PPFIA2: variants seen among roughly 807,000 people sequenced by gnomAD.
PPFIA2 encodes PPFI scaffold protein A2.
A neutral mutation model predicts 175.5 loss-of-function variants in PPFIA2; 46 were observed. That is an observed-to-expected ratio of 0.26 (90% confidence interval 0.21 to 0.34). The LOEUF (loss-of-function observed/expected upper bound fraction) is 0.34, where lower values mean the gene tolerates loss of function less well. PPFIA2 is among the 10% of genes least tolerant of loss of function. The pLI is 1.00. For missense variants in PPFIA2, 1,179 were observed against 1,506.1 expected, an observed-to-expected ratio of 0.78 and a Z score of 3.60; for synonymous variants, 568 against 511.4, an observed-to-expected ratio of 1.11 and a Z score of -1.49.
At chr12:81,756,797 AAC>A (rs1217935160) in intron 2 of PPFIA2, among the ~76,000 whole-genome samples, 1 of 152,198 alleles carries the variant, frequency 6.6e-6, no homozygotes, top group Non-Finnish European at 1.5e-5. Flanking sequence ...TCTTTGTAGA[AAC>A]AATATTTTAC....
intron 3 of PPFIA2, among the ~76,000 whole-genome samples, chr12:81,747,673 A>G (rs1183702474): frequency 1.4e-5 from 2 of 144,362 alleles, no homozygotes; most frequent in South Asian, 2.3e-4. Flanking sequence ...GGCAGTTTCT[A>G]TTATTATTTG....
intron 23 of PPFIA2, among the ~76,000 whole-genome samples, chr12:81,297,400 T>G (rs1379733876): frequency 6.6e-6 from 1 of 152,024 alleles, no homozygotes; most frequent in Non-Finnish European, 1.5e-5. Context: ...TATTTGTCTC[T>G]TTTGAAAAAA....
intron 31 of PPFIA2, among the ~76,000 whole-genome samples, chr12:81,262,294 C>T (rs1336219907): frequency 6.6e-6 from 1 of 152,032 alleles, no homozygotes; most frequent in Non-Finnish European, 1.5e-5. Context: ...GAGCAGCTCC[C>T]GAGGGTGCTT....
chr12:81,261,957 A>G lies in PPFIA2; in HGVS notation c.*25T>C. On this transcript the variant is annotated 3_prime_UTR_variant, in exon 32 of 33. Coordinates refer to ENST00000549396, the MANE Select transcript of PPFIA2 (RefSeq NM_003625.5). ...AAAGGGAAACTACTCACAGCAGGTC[A>G]GTGCTGCCTCCTTTGAGTGGCTGGT... The G allele has an allele frequency of 6.3e-7, 1 of 1,589,130 alleles. No homozygotes were observed. Among genetic ancestry groups the G allele is most frequent in the Non-Finnish European group, 8.6e-7 (1 of 1,165,208 alleles).
At position 81,432,585 on chromosome 12, in the gene PPFIA2, C is replaced by T. The variant is rs569746814; in HGVS notation, c.645+7387G>A. Among the ~76,000 whole-genome samples the T allele has an allele frequency of 1.1e-4, 17 of 151,788 alleles. No individual in the cohort carries two copies. In the East Asian group the frequency reaches 3.3e-3, roughly 29 times the overall value. Reference sequence around the variant, plus strand: ...GGTTCAAGCGATTCTCCTGCCTCAGCCTCCTGAGTAGCTGGGATTACAGGC... The same window carrying T: ...GGTTCAAGCGATTCTCCTGCCTCAGTCTCCTGAGTAGCTGGGATTACAGGC... On this transcript the variant is annotated intron_variant, in intron 7 of 32. Transcript: ENST00000549396.
chr12:81,713,677 G>T, intron 3 of PPFIA2, among the ~76,000 whole-genome samples: 1 of 150,984 alleles, frequency 6.6e-6, no homozygotes, highest in East Asian at 2.0e-4. Flanking sequence ...TGTCTCATAG[G>T]CTTGCTAATG....
intron 9 of PPFIA2, among the ~76,000 whole-genome samples, chr12:81,380,839 TC>T (rs1298822070): frequency 6.6e-6 from 1 of 152,116 alleles, no homozygotes; most frequent in Non-Finnish European, 1.5e-5. Context: ...TTTGAGACTT[TC>T]CATGTAATAC....
At chr12:81,481,436 C>A (rs560318209) in intron 4 of PPFIA2, among the ~76,000 whole-genome samples, 7 of 152,198 alleles carry the variant, frequency 4.6e-5, no homozygotes, top group African/African-American at 1.7e-4. Flanking sequence ...ATAGCCAAGA[C>A]AATACTAAAC....
At chr12:81,619,417 T>C (rs1180448345) in intron 4 of PPFIA2, among the ~76,000 whole-genome samples, 1 of 152,178 alleles carries the variant, frequency 6.6e-6, no homozygotes, top group Non-Finnish European at 1.5e-5. Context: ...AATTTCTACC[T>C]GGACATGACC....
chr12:81,448,956 A>G (rs968893248), intron 5 of PPFIA2, among the ~76,000 whole-genome samples: 4 of 152,182 alleles, frequency 2.6e-5, no homozygotes, highest in African/African-American at 7.2e-5. Flanking sequence ...AGGATCTGTA[A>G]CTATTTATTA....
chr12:81,401,990 G>A (rs1407205300), intron 8 of PPFIA2, among the ~76,000 whole-genome samples: 1 of 151,946 alleles, frequency 6.6e-6, no homozygotes, highest in African/African-American at 2.4e-5. Flanking sequence ...AATTACCAGA[G>A]TTTTCCATGA....
intron 4 of PPFIA2, among the ~76,000 whole-genome samples, chr12:81,596,025 A>C (rs1283661156): frequency 2.0e-5 from 3 of 152,162 alleles, no homozygotes. Context: ...TCATTTTCTC[A>C]AGATACAGTT....
chr12:81,662,956 T>C (rs1345723942), intron 4 of PPFIA2, among the ~76,000 whole-genome samples: 1 of 152,144 alleles, frequency 6.6e-6, no homozygotes, highest in Non-Finnish European at 1.5e-5. Flanking sequence ...AAAAACCACA[T>C]GATTATCTCA....
At chr12:81,508,429 GA>G in intron 4 of PPFIA2, among the ~76,000 whole-genome samples, 1 of 146,620 alleles carries the variant, frequency 6.8e-6, no homozygotes, top group Non-Finnish European at 1.5e-5. Context: ...GCTGAGGCAG[GA>G]GAATCACTTG....
intron 4 of PPFIA2, among the ~76,000 whole-genome samples, chr12:81,647,050 A>G (rs998909732): frequency 6.9e-5 from 5 of 72,028 alleles, no homozygotes; most frequent in Non-Finnish European, 7.9e-5. Flanking sequence ...ATTTGAAGGA[A>G]CTGGTTAAAA....
chr12:81,314,639 T>C (rs1399714914), intron 22 of PPFIA2, among the ~76,000 whole-genome samples: 1 of 151,908 alleles, frequency 6.6e-6, no homozygotes, highest in Non-Finnish European at 1.5e-5. Context: ...ACCTTGATCT[T>C]CCAGATCTCC....
chr12:81,739,211 A>T (rs1436881846), intron 3 of PPFIA2, among the ~76,000 whole-genome samples: 1 of 152,038 alleles, frequency 6.6e-6, no homozygotes, highest in Non-Finnish European at 1.5e-5. Context: ...TTACATTTTT[A>T]AAAAAACAAA....
intron 6 of PPFIA2, 96 bp downstream of exon 6, chr12:81,445,460 G>A (rs1210054084): frequency 8.6e-7 from 1 of 1,168,014 alleles, no homozygotes; most frequent in East Asian, 2.4e-5. Flanking sequence ...TCAACTGACT[G>A]ACTTTAGGAG....
chr12:81,655,572 C>T (rs1237894624), intron 4 of PPFIA2, among the ~76,000 whole-genome samples: 4 of 151,792 alleles, frequency 2.6e-5, no homozygotes, highest in African/African-American at 9.7e-5. Context: ...AAGTGTCTAT[C>T]TTGTTTTCCA....
Sources: gnomAD v4.1 joint callset for allele counts (sites outside exome capture counted in the v4.1 genomes callset) on GRCh38, gnomAD v4.1.1 for gene constraint, MANE v1.5 for transcripts, NCBI Gene and HGNC (gene_info 2026-07-23, HGNC 2026-07-21) for gene names.